PLCG2: variants seen among roughly 807,000 people sequenced by gnomAD.
PLCG2 encodes the protein phospholipase C gamma 2, also known as 1-phosphatidylinositol 4,5-bisphosphate phosphodiesterase gamma-2.
A neutral mutation model predicts 175.6 loss-of-function variants in PLCG2; 69 were observed. That is an observed-to-expected ratio of 0.39 (90% CI 0.32 to 0.48). The LOEUF is 0.48. Ranked by LOEUF, PLCG2 falls within the 20% of genes least tolerant of loss-of-function variation. The pLI is 0.91. For synonymous variants in PLCG2, 827 were observed against 624.0 expected (o/e 1.33, Z -4.85); for missense variants, 1,798 against 1,650.9 (o/e 1.09, Z -1.54).
At chr16:81,872,632 A>C (rs970521981) in intron 7 of PLCG2, among the ~76,000 whole-genome samples, 1 of 152,246 alleles carries the variant, frequency 6.6e-6, no homozygotes, top group Non-Finnish European at 1.5e-5. Flanking sequence ...ACATTCAATA[A>C]GTAGGGGCTG....
chr16:81,894,394 A>G (rs903075750), intron 12 of PLCG2, among the ~76,000 whole-genome samples: 5 of 152,140 alleles, frequency 3.3e-5, no homozygotes, highest in Admixed American at 6.5e-5. Context: ...GTGCCACTGC[A>G]CTCTAGCCTG....
chr16:81,955,324 C>A (rs938138724), intron 31 of PLCG2, among the ~76,000 whole-genome samples: 1 of 152,142 alleles, frequency 6.6e-6, no homozygotes, highest in Non-Finnish European at 1.5e-5. Context: ...GTTTGTGCAC[C>A]TCAACAGATG....
chr16:81,867,981 G>A (rs1309995423), intron 5 of PLCG2, among the ~76,000 whole-genome samples: 1 of 152,176 alleles, frequency 6.6e-6, no homozygotes, highest in East Asian at 1.9e-4. Flanking sequence ...TTACAGGCGT[G>A]AGCCACCACC....
intron 5 of PLCG2, among the ~76,000 whole-genome samples, chr16:81,860,933 C>T (rs565608342): frequency 3.3e-5 from 5 of 152,056 alleles, no homozygotes; most frequent in South Asian, 2.1e-4. Flanking sequence ...GCCGAGATCG[C>T]GCCACTCTAC....
chr16:81,942,263 C>G (rs1456238146), intron 30 of PLCG2, among the ~76,000 whole-genome samples: 1 of 152,200 alleles, frequency 6.6e-6, no homozygotes, highest in African/African-American at 2.4e-5. Flanking sequence ...AACCTCGTTA[C>G]CTTAATGGGC....
Position 81,866,645 on chromosome 16 carries a change from G to A in PLCG2, c.480-2569G>A, listed in dbSNP as rs1224577851. Among the ~76,000 whole-genome samples the A allele has an allele frequency of 2.7e-5, 3 of 110,302 alleles. 1 individual carries two copies. The highest frequency in any genetic ancestry group is 8.5e-5 in the African/African-American group (3 of 35,410). 72.4% of individuals were successfully genotyped at this position (110,302 alleles called of 152,430 possible). A position where few individuals can be genotyped will look rare whatever the true frequency, so the allele number is the denominator to read the frequency against. ...ATGCTGGCCTCTCCCTTGCTCCCAG[G>A]ATGAGCTCCACTGGGGCACCAGCGT... On this transcript the variant is annotated intron_variant, in intron 5 of 32. Coordinates refer to ENST00000564138, the MANE Select transcript of PLCG2 (RefSeq NM_002661.5).
Position 81,921,218 on chromosome 16 carries a change from C to G in PLCG2, c.2256C>G (p.Leu752=), listed in dbSNP as rs376208314. 8 of 1,602,486 alleles carry G rather than the reference C, an allele frequency of 5.0e-6. No homozygotes were observed. The highest frequency in any genetic ancestry group is 2.7e-5 in the African/African-American group (2 of 74,696). ...RYNMERDINS[L]YDVSRMYVDP... ...TCCAGGAAAGAGATATAAACTCCCT[C>G]TACGACGTCAGCAGAATGTATGTGG... Residue 752 remains leucine, a synonymous_variant, in exon 21 of 33, where the codon CTC becomes CTG. Coordinates refer to ENST00000564138, the MANE Select transcript of PLCG2 (RefSeq NM_002661.5).
At chr16:81,825,309 GAC>G (rs1446975265) in intron 2 of PLCG2, among the ~76,000 whole-genome samples, 1 of 108,964 alleles carries the variant, frequency 9.2e-6, no homozygotes, top group Non-Finnish European at 1.8e-5. Flanking sequence ...TTTTTTTTGA[GAC>G]AGAGTCTCAC....
chr16:81,920,763 G>C (rs958551170), intron 20 of PLCG2, among the ~76,000 whole-genome samples: 3 of 151,848 alleles, frequency 2.0e-5, no homozygotes, highest in Non-Finnish European at 2.9e-5. Context: ...TAGGGGGAAG[G>C]CACTGGTTTG....
chr16:81,819,360 C>G (rs1904693607), intron 2 of PLCG2, among the ~76,000 whole-genome samples: 1 of 152,148 alleles, frequency 6.6e-6, no homozygotes, highest in African/African-American at 2.4e-5. Context: ...GAGGCTTCAT[C>G]TGGTACCAAC....
At chr16:81,745,982 AAGG>A (rs1462600651) in intron 1 of PLCG2, among the ~76,000 whole-genome samples, 16 of 152,182 alleles carry the variant, frequency 1.1e-4, no homozygotes, top group Admixed American at 4.6e-4. Context: ...TTTTCTTTAG[AAGG>A]GAGCAAGTGT....
Position 81,927,140 on chromosome 16 carries a change from G to C in PLCG2, c.2476G>C (p.Asp826His), listed in dbSNP as rs1337003146. The change falls in exon 23 of 33, where the codon GAC (aspartate) becomes CAC (histidine). Residue 826 changes from aspartate (D) to histidine (H), a missense_variant. Coordinates refer to ENST00000564138, the MANE Select transcript of PLCG2 (RefSeq NM_002661.5). ...QQYFPSNYVE[D>H]ISTADFEELE... ...GTACTTCCCATCCAACTACGTCGAGGACATCTCAACTGCAGACTTCGAGGA... is the reference window on the plus strand; with the variant it reads ...GTACTTCCCATCCAACTACGTCGAGCACATCTCAACTGCAGACTTCGAGGA... 6.2e-7 allele frequency: 1 copy of C among 1,613,808 alleles called. No individual in the cohort carries two copies. The highest frequency in any genetic ancestry group is 8.5e-7 in the Non-Finnish European group (1 of 1,179,822).
chr16:81,781,526 G>A (rs1910732112), intron 1 of PLCG2, among the ~76,000 whole-genome samples: 2 of 152,078 alleles, frequency 1.3e-5, no homozygotes, highest in South Asian at 4.1e-4. Flanking sequence ...CAGGATCGAA[G>A]CATATGCGTG....
At chr16:81,801,318 A>G (rs966065162) in intron 2 of PLCG2, among the ~76,000 whole-genome samples, 3 of 152,170 alleles carry the variant, frequency 2.0e-5, no homozygotes, top group Non-Finnish European at 4.4e-5. Flanking sequence ...TAATAATTAT[A>G]ATTCCCATTT....
At chr16:81,875,629 G>C (rs931284185) in intron 7 of PLCG2, among the ~76,000 whole-genome samples, 3 of 152,138 alleles carry the variant, frequency 2.0e-5, no homozygotes, top group Non-Finnish European at 4.4e-5. Flanking sequence ...ATCAAGCAGC[G>C]TATCAGGTCA....
chr16:81,933,729 A>C (rs951698746), intron 25 of PLCG2, among the ~76,000 whole-genome samples: 2 of 152,214 alleles, frequency 1.3e-5, no homozygotes, highest in African/African-American at 4.8e-5. Context: ...GCACCCCCCA[A>C]ACAGTCACCA....
chr16:81,925,226 C>G (rs1014162616), intron 22 of PLCG2, among the ~76,000 whole-genome samples: 1 of 152,236 alleles, frequency 6.6e-6, no homozygotes, highest in Non-Finnish European at 1.5e-5. Flanking sequence ...GTCAATTCCT[C>G]TCTCTGATGG....
chr16:81,939,705 C>A (rs538342596), intron 29 of PLCG2, among the ~76,000 whole-genome samples, 187 bp from the exon 30 acceptor site: 1 of 152,346 alleles, frequency 6.6e-6, no homozygotes, highest in Admixed American at 6.5e-5. Flanking sequence ...GCAACAGCAG[C>A]TTCCAGGATT....
intron 2 of PLCG2, among the ~76,000 whole-genome samples, chr16:81,841,161 GA>G (rs1215233726): frequency 6.6e-6 from 1 of 152,096 alleles, no homozygotes; most frequent in Non-Finnish European, 1.5e-5. Context: ...TAACAAAGAA[GA>G]TAAGGGCAGG....
Sources: gnomAD v4.1 joint callset for allele counts (sites outside exome capture counted in the v4.1 genomes callset) on GRCh38, gnomAD v4.1.1 for gene constraint, MANE v1.5 for transcripts, NCBI Gene and HGNC (gene_info 2026-07-23, HGNC 2026-07-21) for gene names.